The following PIGU variants were observed in gnomAD, a reference collection of about 807,000 sequenced individuals.
PIGU encodes phosphatidylinositol glycan anchor biosynthesis class U, also known as GPI-anchor transamidase component PIGU.
PIGU carries 24 observed loss-of-function variants against 49.9 expected under a neutral mutation model. The observed-to-expected ratio is 0.48, with a 90% CI of 0.35 to 0.68. The LOEUF is 0.68. PIGU is among the 30% of genes least tolerant of loss of function. The pLI, the probability that PIGU is intolerant of heterozygous loss-of-function variation, is 0.01. For synonymous variants in PIGU, 220 were observed against 205.7 expected (o/e 1.07, Z -0.59); for missense variants, 490 against 532.6 (o/e 0.92, Z 0.79).
intron 5 of PIGU, among the ~76,000 whole-genome samples, chr20:34,634,930 T>C (rs1277581283): frequency 6.6e-6 from 1 of 152,182 alleles, no homozygotes; most frequent in African/African-American, 2.4e-5. Context: ...CTATGGAGTA[T>C]ATGGAAAACT....
At chr20:34,611,009 A>G (rs1984792750) in intron 7 of PIGU, among the ~76,000 whole-genome samples, 1 of 152,264 alleles carries the variant, frequency 6.6e-6, no homozygotes, top group Non-Finnish European at 1.5e-5. Flanking sequence ...CCATACGCAG[A>G]AAACAGAAAC....
intron 11 of PIGU, among the ~76,000 whole-genome samples, chr20:34,564,425 CG>C (rs781618057): frequency 3.3e-5 from 5 of 152,154 alleles, no homozygotes; most frequent in Non-Finnish European, 7.4e-5. Flanking sequence ...TCCAGCTACT[CG>C]GGAAGCCGAG....
rs1053273742 is a variant in PIGU, at chr20:34,588,528, C to T, written c.707G>A (p.Ser236Asn). ...GGAGAGGCAAATGATTACCACTAGGCTTCCCACATACATCATGGCATACTC... is the reference window on the plus strand; with the variant it reads ...GGAGAGGCAAATGATTACCACTAGGTTTCCCACATACATCATGGCATACTC... ...SWEYAMMYVG[S>N]LVVIICLSFF... Residue 236 changes from serine (S) to asparagine (N), a missense_variant, in exon 8 of 12, where the codon AGC becomes AAC. Ser to Asn is a conservative substitution (Grantham distance 46, BLOSUM62 1). Transcript: ENST00000217446. 1 of 1,613,774 alleles carries T rather than the reference C, an allele frequency of 6.2e-7. No individual in the cohort carries two copies. Among genetic ancestry groups the T allele is most frequent in the Non-Finnish European group, 8.5e-7 (1 of 1,179,642 alleles).
In PIGU at chr20:34,588,653, G is replaced by A. The variant is rs530611515; in HGVS notation, c.628-46C>T. 29 of 1,563,466 alleles carry A rather than the reference G, an allele frequency of 1.9e-5. 1 individual carries two copies. In the South Asian group the frequency reaches 3.1e-4, roughly 17 times the overall value. On this transcript the variant is annotated intron_variant, in intron 7 of 11. Transcript: ENST00000217446. ...TATAAACTTAGGGATGTAAACAACA[G>A]AGGGCAGCTATTAGCTTACACTTAA... is the stretch of plus-strand genomic sequence containing the variant.
intron 6 of PIGU, among the ~76,000 whole-genome samples, chr20:34,621,556 G>T (rs533801778): frequency 6.6e-6 from 1 of 152,162 alleles, no homozygotes; most frequent in African/African-American, 2.4e-5. Context: ...GGTGTGGACA[G>T]GGCGGACGCA....
intron 7 of PIGU, among the ~76,000 whole-genome samples, chr20:34,605,436 T>C (rs976924684): frequency 6.6e-6 from 1 of 152,224 alleles, no homozygotes. Flanking sequence ...TACAGTTCCT[T>C]TGACTTCAAA....
At chr20:34,623,782 T>G (rs1985343973) in intron 6 of PIGU, among the ~76,000 whole-genome samples, 1 of 152,236 alleles carries the variant, frequency 6.6e-6, no homozygotes, top group South Asian at 2.1e-4. Flanking sequence ...GGGATCAAAC[T>G]GAGGCTCTTG....
chr20:34,663,031 C>T (rs11167241), intron 1 of PIGU, among the ~76,000 whole-genome samples: 59,284 of 151,930 alleles, frequency 0.39, 11,934 homozygotes, highest in Admixed American at 0.56. Flanking sequence ...CCTCAGCCTC[C>T]CAAGTAGCTG....
At chr20:34,625,177 G>T (rs945881747) in intron 6 of PIGU, among the ~76,000 whole-genome samples, 6 of 152,024 alleles carry the variant, frequency 3.9e-5, no homozygotes, top group Non-Finnish European at 8.8e-5. Context: ...TACAAGACCA[G>T]CCTGACCAAC....
chr20:34,605,982 G>A (rs949417994), intron 7 of PIGU, among the ~76,000 whole-genome samples: 1 of 151,982 alleles, frequency 6.6e-6, no homozygotes, highest in African/African-American at 2.4e-5. Flanking sequence ...CCCAGCCGGC[G>A]CAGTGGCTCA....
intron 7 of PIGU, among the ~76,000 whole-genome samples, chr20:34,603,917 A>G (rs1174823093): frequency 1.5e-5 from 2 of 135,294 alleles, no homozygotes; most frequent in Non-Finnish European, 3.3e-5. Flanking sequence ...CCAGGCAGGT[A>G]ACAAACAAGT....
intron 7 of PIGU, among the ~76,000 whole-genome samples, chr20:34,594,968 T>TA (rs1259731448): frequency 6.6e-6 from 1 of 151,226 alleles, no homozygotes; most frequent in Non-Finnish European, 1.5e-5. Flanking sequence ...GGGGGGCGCC[T>TA]GTAGTCCTAG....
At chr20:34,579,121 G>A (rs1600594474) in intron 10 of PIGU, 1 of 152,130 alleles carries the variant, frequency 6.6e-6, no homozygotes, top group African/African-American at 2.4e-5. Context: ...CAAAACACGT[G>A]GGAATATATT....
intron 11 of PIGU, among the ~76,000 whole-genome samples, chr20:34,562,873 C>T (rs1281645864): frequency 1.3e-5 from 2 of 152,184 alleles, no homozygotes; most frequent in African/African-American, 4.8e-5. Context: ...CTCACCCAGG[C>T]CCGAGATGCC....
intron 4 of PIGU, among the ~76,000 whole-genome samples, chr20:34,638,765 G>A (rs1245183817): frequency 6.6e-6 from 1 of 152,204 alleles, no homozygotes; most frequent in East Asian, 1.9e-4. Context: ...TGGGATGGGG[G>A]TGGAAAGCTC....
At chr20:34,585,397 C>A in intron 9 of PIGU, 40 bp downstream of exon 9, 1 of 1,593,726 alleles carries the variant, frequency 6.3e-7, no homozygotes. Context: ...GCTTCTCGGA[C>A]AGCTCTGTAC....
At chr20:34,623,907 G>A (rs1442188044) in intron 6 of PIGU, among the ~76,000 whole-genome samples, 1 of 152,016 alleles carries the variant, frequency 6.6e-6, no homozygotes, top group Non-Finnish European at 1.5e-5. Flanking sequence ...CCTTCCATTG[G>A]CAGGGCTTTG....
intron 7 of PIGU, among the ~76,000 whole-genome samples, chr20:34,596,342 T>C (rs1171232048): frequency 2.0e-5 from 3 of 152,258 alleles, no homozygotes; most frequent in East Asian, 3.9e-4. Context: ...CCAAATGCAA[T>C]GTGGGACCTA....
At chr20:34,632,889 T>A (rs1985832948) in intron 6 of PIGU, among the ~76,000 whole-genome samples, 1 of 148,570 alleles carries the variant, frequency 6.7e-6, no homozygotes, top group Non-Finnish European at 1.5e-5. Flanking sequence ...CAATAAAACC[T>A]ATAAACTATT....
Sources: gnomAD v4.1 joint callset for allele counts (sites outside exome capture counted in the v4.1 genomes callset) on GRCh38, gnomAD v4.1.1 for gene constraint, MANE v1.5 for transcripts, NCBI Gene and HGNC (gene_info 2026-07-23, HGNC 2026-07-21) for gene names.